The following GOSR1 variants were observed in gnomAD, a reference collection of about 807,000 sequenced individuals.
GOSR1 encodes the protein golgi SNAP receptor complex member 1.
A neutral mutation model predicts 35.5 loss-of-function variants in GOSR1; 21 were observed. That is an observed-to-expected ratio of 0.59 (90% CI 0.42 to 0.85). The LOEUF (loss-of-function observed/expected upper bound fraction) is 0.85. Among genes scored for constraint, GOSR1 ranks in the 40% least tolerant of loss-of-function variants. The probability of loss-of-function intolerance (pLI) is 0.00; values close to 1 mark genes in which losing one functional copy is unlikely to be tolerated. For synonymous variants in GOSR1, 94 were observed against 106.6 expected (o/e 0.88, Z 0.73); for missense variants, 285 against 309.6 (o/e 0.92, Z 0.60).
intron 6 of GOSR1, among the ~76,000 whole-genome samples, chr17:30,497,005 G>C (rs1967030037): frequency 1.3e-5 from 2 of 152,188 alleles, no homozygotes; most frequent in Non-Finnish European, 2.9e-5. Flanking sequence ...CTTTGGCAGA[G>C]TTTTAGAGTA....
intron 2 of GOSR1, 153 bp downstream of exon 2, chr17:30,481,410 A>C (rs554700900): frequency 2.0e-6 from 1 of 496,602 alleles, no homozygotes; most frequent in East Asian, 3.2e-5. Context: ...TTAGTGACTT[A>C]TTAAAATTCT....
rs559423835 is a variant in GOSR1 at position 30,525,341 on chromosome 17, A to G, written c.*2963A>G. 1.3e-5 allele frequency: 2 copies of G among 152,164 alleles called. No individual in the cohort carries two copies. Among genetic ancestry groups the G allele is most frequent in the Non-Finnish European group, 1.5e-5 (1 of 68,018 alleles). The allele number at this position is 152,164 out of a possible 1,614,324, so 9.4% of individuals were successfully genotyped here. On this transcript the variant is annotated 3_prime_UTR_variant, in exon 9 of 9. Transcript: ENST00000451249. ...GGCATTTGATATATTTTTCTTAACT[A>G]TGGGGTTTATTTTTCTAAATGTGGG... is the stretch of plus-strand genomic sequence containing the variant.
At chr17:30,520,873 C>T (rs945369663) in intron 8 of GOSR1, among the ~76,000 whole-genome samples, 1 of 152,240 alleles carries the variant, frequency 6.6e-6, no homozygotes, top group Non-Finnish European at 1.5e-5. Context: ...TATAAAACCA[C>T]ATGTCTAAAA....
At chr17:30,509,997 CTG>C (rs1967555194) in intron 6 of GOSR1, among the ~76,000 whole-genome samples, 1 of 152,112 alleles carries the variant, frequency 6.6e-6, no homozygotes, top group South Asian at 2.1e-4. Context: ...GTCATTAAAA[CTG>C]TTCTGACTCT....
intron 5 of GOSR1, 123 bp downstream of exon 5, chr17:30,490,340 A>G (rs1914962444): frequency 5.3e-6 from 3 of 570,080 alleles, no homozygotes; most frequent in South Asian, 4.6e-5. Context: ...TCCAATTCCC[A>G]TTTCACTGTC....
chr17:30,478,163 A>G (rs1914076999), intron 1 of GOSR1, among the ~76,000 whole-genome samples: 1 of 152,250 alleles, frequency 6.6e-6, no homozygotes, highest in South Asian at 2.1e-4. Flanking sequence ...TGACAAATGC[A>G]TTTGTTTAAT....
In GOSR1 at chr17:30,524,026, C is replaced by T. The variant is rs376267991; in HGVS notation, c.*1648C>T. ...ACAGATGCTTGAAGGCAGCATGCTC[C>T]TTAAGAGTCATCACCACTCCCTAAT... On this transcript the variant is annotated 3_prime_UTR_variant, in exon 9 of 9. Coordinates refer to ENST00000451249, the MANE Select transcript of GOSR1 (RefSeq NM_001007025.2). The T allele has an allele frequency of 5.7e-6, 1 of 176,832 alleles. No individual in the cohort carries two copies. The highest frequency in any genetic ancestry group is 1.2e-5 in the Non-Finnish European group (1 of 86,544). 11.0% of individuals were successfully genotyped at this position (176,832 alleles called of 1,614,324 possible).
At chr17:30,513,555 T>C (rs1031169024) in intron 7 of GOSR1, among the ~76,000 whole-genome samples, 20 of 152,210 alleles carry the variant, frequency 1.3e-4, no homozygotes, top group African/African-American at 4.3e-4. Flanking sequence ...GATGATGATA[T>C]CTATTCCCCA....
Position 30,494,254 on chromosome 17 carries a change from C to G in GOSR1, c.509+1501C>G, listed in dbSNP as rs900939790. Among the ~76,000 whole-genome samples the G allele has an allele frequency of 1.3e-3, 195 of 152,104 alleles. 1 individual carries two copies. The highest frequency in any genetic ancestry group is 3.9e-3 in the African/African-American group (162 of 41,476). ...TTGTTTTTACCAGCTCTCCTTAATA[C>G]TCTTTTTATATAAAAATAAATGCTG... On this transcript the variant is annotated intron_variant, in intron 6 of 8. Transcript: ENST00000451249.
At chr17:30,477,794 GAACT>G in intron 1 of GOSR1, 1 of 985,292 alleles carries the variant, frequency 1.0e-6, no homozygotes, top group Non-Finnish European at 1.2e-6. Context: ...CTTGGGGTAC[GAACT>G]CTGAGAGGAA....
At chr17:30,489,864 C>G (rs1275797497) in intron 4 of GOSR1, among the ~76,000 whole-genome samples, 1 of 152,100 alleles carries the variant, frequency 6.6e-6, no homozygotes, top group East Asian at 1.9e-4. Flanking sequence ...CTTAATTCTG[C>G]CTCGTAAGAC....
chr17:30,510,234 C>CA (rs1967566287), intron 6 of GOSR1, among the ~76,000 whole-genome samples: 1 of 152,026 alleles, frequency 6.6e-6, no homozygotes, highest in Non-Finnish European at 1.5e-5. Flanking sequence ...TTAGCATACC[C>CA]AGCTAATGTT....
Position 30,523,806 on chromosome 17 carries a change from T to C in GOSR1, c.*1428T>C, listed in dbSNP as rs11657674. ...AAAGGTGGGGAAAAGATTGAGAAAT[T>C]GGATGGTTGCCGTGTCTGTGTAGAA... On this transcript the variant is annotated 3_prime_UTR_variant, in exon 9 of 9. Coordinates refer to ENST00000451249, the MANE Select transcript of GOSR1 (RefSeq NM_001007025.2). The C allele has an allele frequency of 0.57, 112,888 of 198,142 alleles. 34,552 individuals carry two copies. Among genetic ancestry groups the C allele is most frequent in the East Asian group, 0.82 (4,800 of 5,838 alleles). 12.3% of individuals were successfully genotyped at this position (198,142 alleles called of 1,614,324 possible).
chr17:30,486,622 A>G (rs1914701646), intron 4 of GOSR1, among the ~76,000 whole-genome samples: 1 of 152,238 alleles, frequency 6.6e-6, no homozygotes, highest in South Asian at 2.1e-4. Context: ...AAATTACCTG[A>G]TAAAAAGTTA....
At chr17:30,495,341 A>G (rs916074813) in intron 6 of GOSR1, 2 of 436,606 alleles carry the variant, frequency 4.6e-6, no homozygotes, top group African/African-American at 4.1e-5. Flanking sequence ...GACCAGGCAT[A>G]TGATGCTTTT....
At chr17:30,483,827 C>T (rs1914505083) in intron 2 of GOSR1, among the ~76,000 whole-genome samples, 1 of 152,192 alleles carries the variant, frequency 6.6e-6, no homozygotes, top group African/African-American at 2.4e-5. Flanking sequence ...GGCAATTTAA[C>T]ACAATTCTAC....
intron 5 of GOSR1, 137 bp downstream of exon 5, chr17:30,490,354 T>G: frequency 1.8e-6 from 1 of 550,558 alleles, no homozygotes; most frequent in East Asian, 3.0e-5. Context: ...CACTGTCTTT[T>G]TAACATTGCT....
At chr17:30,488,617 T>G (rs1914834921) in intron 4 of GOSR1, among the ~76,000 whole-genome samples, 1 of 150,194 alleles carries the variant, frequency 6.7e-6, no homozygotes, top group African/African-American at 2.4e-5. Context: ...CACTGTAACC[T>G]CTGCCTCCCA....
At chr17:30,510,550 G>A (rs1967576484) in intron 6 of GOSR1, 2 of 166,184 alleles carry the variant, frequency 1.2e-5, no homozygotes, top group Admixed American at 1.3e-4. Context: ...CTCATCTCTA[G>A]TGAAAATACA....
Sources: gnomAD v4.1 joint callset for allele counts (sites outside exome capture counted in the v4.1 genomes callset) on GRCh38, gnomAD v4.1.1 for gene constraint, MANE v1.5 for transcripts, NCBI Gene and HGNC (gene_info 2026-07-23, HGNC 2026-07-21) for gene names.